LHPP: variants seen among roughly 807,000 people sequenced by gnomAD.
LHPP encodes phospholysine phosphohistidine inorganic pyrophosphate phosphatase.
LHPP carries 24 observed loss-of-function variants against 30.3 expected under a neutral mutation model. The observed-to-expected ratio is 0.79, with a 90% CI of 0.57 to 1.11. The LOEUF is 1.11. Among genes scored for constraint, LHPP ranks in the 50% most tolerant of loss-of-function variants. The pLI is 0.00. For synonymous variants in LHPP, 150 were observed against 157.1 expected (o/e 0.95, Z 0.34); for missense variants, 356 against 367.2 (o/e 0.97, Z 0.25).
chr10:124,590,158 G>GTC lies in LHPP; in HGVS notation c.717-23095_717-23094dup, dbSNP rs775757554. 6.6e-6 allele frequency among the ~76,000 whole-genome samples: 1 copy of GTC among 152,144 alleles called. No individual in the cohort carries two copies. The highest frequency in any genetic ancestry group is 2.4e-5 in the African/African-American group (1 of 41,486). On this transcript the variant is annotated intron_variant, in intron 6 of 6. Coordinates refer to ENST00000368842, the MANE Select transcript of LHPP (RefSeq NM_022126.4). This position sits in a 1 kb window ranked among gnomAD's most constrained non-coding sequence, Gnocchi z 4.3. The stretch of plus-strand genomic sequence containing the variant: ...TGACGTCCTCCCTCTCCCAATCCCT[G>GTC]TCTCTCTCTCTCCTTCCACAGCCAC...
At position 124,478,134 on chromosome 10, in the gene LHPP, G is replaced by A. The variant is rs1270549880; in HGVS notation, c.126-6005G>A. On this transcript the variant is annotated intron_variant, in intron 1 of 6. Transcript: ENST00000368842. The surrounding 1 kb of genome is among the most constrained non-coding windows in gnomAD (Gnocchi z 4.7). ...CCCAAGCCCCGGGCTTGCAGAGGAG[G>A]CAGGAGGAGGGAGGTGGTGATGTCA... Among the ~76,000 whole-genome samples, 3 of 152,218 alleles carry A rather than the reference G, an allele frequency of 2.0e-5. No homozygotes were observed. The highest frequency in any genetic ancestry group is 7.2e-5 in the African/African-American group (3 of 41,456).
At chr10:124,487,908 G>C (rs1387257669) in intron 2 of LHPP, among the ~76,000 whole-genome samples, 4 of 152,342 alleles carry the variant, frequency 2.6e-5, no homozygotes, top group Admixed American at 2.6e-4. Context: ...AGGAGGAAGA[G>C]AGTTTCCTAA....
rs1037488199 is a variant in LHPP, at chr10:124,593,209, G to C, written c.717-20055G>C. 6.6e-6 allele frequency among the ~76,000 whole-genome samples: 1 copy of C among 151,454 alleles called. No homozygotes were observed. ...CTGGATTGCAAGTCCAGACAGAAGAGAGCGTCCTGGGAAGCCAGCTGAGAG... is the reference window on the plus strand; with the variant it reads ...CTGGATTGCAAGTCCAGACAGAAGACAGCGTCCTGGGAAGCCAGCTGAGAG... On this transcript the variant is annotated intron_variant, in intron 6 of 6. Transcript: ENST00000368842. The surrounding 1 kb of genome is among the most constrained non-coding windows in gnomAD (Gnocchi z 4.9).
Position 124,479,111 on chromosome 10 carries a change from G to C in LHPP, c.126-5028G>C, listed in dbSNP as rs191319221. On this transcript the variant is annotated intron_variant, in intron 1 of 6. Transcript: ENST00000368842. ...GATCCAGTTTGGCTACAGGAAGTGGGAGCAAATCCCCACTCCCATGGGACT... is the reference window on the plus strand; with the variant it reads ...GATCCAGTTTGGCTACAGGAAGTGGCAGCAAATCCCCACTCCCATGGGACT... Among the ~76,000 whole-genome samples, 843 of 152,060 alleles carry C rather than the reference G, an allele frequency of 5.5e-3. 9 individuals are homozygous for C. The highest frequency in any genetic ancestry group is 0.019 in the African/African-American group (797 of 41,474).
intron 6 of LHPP, among the ~76,000 whole-genome samples, chr10:124,594,785 C>G (rs1431253769): frequency 6.6e-6 from 1 of 152,122 alleles, no homozygotes. Context: ...CATGCACCAC[C>G]ACACCCGGCT....
In LHPP at chr10:124,572,673, A is replaced by AG. The variant is rs1314282874; in HGVS notation, c.717-40591_717-40590insG. On this transcript the variant is annotated intron_variant, in intron 6 of 6. Transcript: ENST00000368842. Reference sequence around the variant, plus strand: ...AAGAAAGGAAAGGAAAGAAAAGAAAAAAAAGAAGGAAGGGAGGGAGGAAGG... The same window carrying AG: ...AAGAAAGGAAAGGAAAGAAAAGAAAAGAAAAGAAGGAAGGGAGGGAGGAAGG... Among the ~76,000 whole-genome samples, 5 of 96,086 alleles carry AG rather than the reference A, an allele frequency of 5.2e-5. No homozygotes were observed. The East Asian group carries it at 8.2e-4, about 16-fold the overall frequency. 63.0% of individuals were successfully genotyped at this position (96,086 alleles called of 152,430 possible). A position where few individuals can be genotyped will look rare whatever the true frequency, so the allele number is the denominator to read the frequency against.
chr10:124,498,001 C>T, intron 4 of LHPP, 35 bp from the exon 5 acceptor site: 1 of 1,562,458 alleles, frequency 6.4e-7, no homozygotes, highest in Non-Finnish European at 8.8e-7. Flanking sequence ...TTCCTTGATC[C>T]CAAACTTATG....
chr10:124,471,737 TTGTA>T (rs1216703396), intron 1 of LHPP, among the ~76,000 whole-genome samples: 28 of 100,894 alleles, frequency 2.8e-4, no homozygotes, highest in African/African-American at 9.0e-4. Flanking sequence ...ATATATATAT[TTGTA>T]TATATATTTG....
intron 3 of LHPP, among the ~76,000 whole-genome samples, chr10:124,488,889 C>T (rs1221378310): frequency 1.3e-5 from 2 of 152,078 alleles, no homozygotes; most frequent in East Asian, 1.9e-4. Flanking sequence ...TTGATTGTCC[C>T]AAGTTTAGAG....
rs1438534935 is a variant in LHPP at position 124,523,539 on chromosome 10, C to T, written c.716+6268C>T. Among the ~76,000 whole-genome samples the T allele has an allele frequency of 3.3e-5, 5 of 152,196 alleles. No individual in the cohort carries two copies. The highest frequency in any genetic ancestry group is 7.2e-5 in the African/African-American group (3 of 41,446). On this transcript the variant is annotated intron_variant, in intron 6 of 6. Transcript: ENST00000368842. This position sits in a 1 kb window ranked among gnomAD's most constrained non-coding sequence, Gnocchi z 4.2. ...TCCTGTTACGAGAAGGCTGTGGATTCGCTTTGGAACATGACAGATTTTTCT... is the reference window on the plus strand; with the variant it reads ...TCCTGTTACGAGAAGGCTGTGGATTTGCTTTGGAACATGACAGATTTTTCT...
chr10:124,480,422 C>T (rs753072666), intron 1 of LHPP, among the ~76,000 whole-genome samples: 23 of 152,232 alleles, frequency 1.5e-4, no homozygotes, highest in Admixed American at 2.6e-4. Context: ...ACTCATGTTT[C>T]ATCCACATCT....
Position 124,590,609 on chromosome 10 carries a change from C to T in LHPP, c.717-22655C>T, listed in dbSNP as rs1948871435. 6.6e-6 allele frequency among the ~76,000 whole-genome samples: 1 copy of T among 152,180 alleles called. No individual in the cohort carries two copies. The highest frequency in any genetic ancestry group is 1.5e-5 in the Non-Finnish European group (1 of 68,038). On this transcript the variant is annotated intron_variant, in intron 6 of 6. Coordinates refer to ENST00000368842, the MANE Select transcript of LHPP (RefSeq NM_022126.4). The surrounding 1 kb of genome is among the most constrained non-coding windows in gnomAD (Gnocchi z 4.3). ...TCCAGGTGAAGGGGACTGTGTTGGT[C>T]CTGTCTGCCCAGGACTCTCCCCACC...
chr10:124,607,345 C>T (rs569524581), intron 6 of LHPP, among the ~76,000 whole-genome samples: 74 of 152,386 alleles, frequency 4.9e-4, no homozygotes, highest in Non-Finnish European at 7.8e-4. Flanking sequence ...CTGCCTACCC[C>T]AGCTCCCTGG....
At position 124,569,543 on chromosome 10, in the gene LHPP, G is replaced by T. The variant is rs562902235; in HGVS notation, c.717-43721G>T. On this transcript the variant is annotated intron_variant, in intron 6 of 6. Transcript: ENST00000368842. Reference sequence around the variant, plus strand: ...GGCAAACGGGAACGTGGCGGGCAGGGTGGGCAGGGCAGCCTGGAAACACCC... The same window carrying T: ...GGCAAACGGGAACGTGGCGGGCAGGTTGGGCAGGGCAGCCTGGAAACACCC... 6.6e-5 allele frequency among the ~76,000 whole-genome samples: 10 copies of T among 152,314 alleles called. No individual in the cohort carries two copies. In the East Asian group the frequency reaches 1.9e-3, roughly 29 times the overall value.
At chr10:124,551,351 G>T (rs1490353415) in intron 6 of LHPP, among the ~76,000 whole-genome samples, 4 of 152,162 alleles carry the variant, frequency 2.6e-5, no homozygotes, top group African/African-American at 9.7e-5. Flanking sequence ...TGCATCCTTG[G>T]TGGTGACACC....
chr10:124,598,914 G>C (rs1235463313), intron 6 of LHPP, among the ~76,000 whole-genome samples: 2 of 147,560 alleles, frequency 1.4e-5, no homozygotes, highest in Non-Finnish European at 3.0e-5. Flanking sequence ...TGCAGCACCT[G>C]CCATCCACCC....
chr10:124,483,920 C>T (rs1043427420), intron 1 of LHPP, among the ~76,000 whole-genome samples: 8 of 151,604 alleles, frequency 5.3e-5, no homozygotes, highest in African/African-American at 7.3e-5. Context: ...AAAGAGTTGT[C>T]GGGGCGTGGT....
chr10:124,540,266 C>T (rs531432332), intron 6 of LHPP, among the ~76,000 whole-genome samples: 1 of 152,304 alleles, frequency 6.6e-6, no homozygotes, highest in South Asian at 2.1e-4. Context: ...GGTCCTGCAG[C>T]CCAGGCACAT....
chr10:124,587,715 G>A (rs1948822250), intron 6 of LHPP, among the ~76,000 whole-genome samples: 1 of 132,098 alleles, frequency 7.6e-6, no homozygotes, highest in African/African-American at 2.9e-5. Context: ...ACTCCAGCCT[G>A]GGAGACACAG....
Sources: gnomAD v4.1 joint callset for allele counts (sites outside exome capture counted in the v4.1 genomes callset) on GRCh38, gnomAD v4.1.1 for gene constraint, Gnocchi (gnomAD v3.1) non-coding constraint, MANE v1.5 for transcripts, NCBI Gene and HGNC (gene_info 2026-07-23, HGNC 2026-07-21) for gene names.